LY75: variants seen among roughly 807,000 people sequenced by gnomAD.
LY75 encodes the protein C-type lectin domain family 13 member B.
In LY75, 185 loss-of-function variants were observed where a neutral mutation model predicts 231.7. That is an observed-to-expected ratio of 0.80 (90% CI 0.71 to 0.90). The LOEUF (loss-of-function observed/expected upper bound fraction) is 0.90. Ranked by LOEUF, LY75 falls within the 40% of genes least tolerant of loss-of-function variation. The probability of loss-of-function intolerance (pLI) is 0.00; values close to 1 mark genes in which losing one functional copy is unlikely to be tolerated. For synonymous variants in LY75, 668 were observed against 689.0 expected (o/e 0.97, Z 0.48); for missense variants, 1,947 against 2,050.2 (o/e 0.95, Z 0.97).
At chr2:159,846,517 C>G (rs966767127) in intron 23 of LY75, among the ~76,000 whole-genome samples, 4 of 151,536 alleles carry the variant, frequency 2.6e-5, no homozygotes, top group Non-Finnish European at 5.9e-5. Flanking sequence ...GACCCTGTGT[C>G]AGAAAAAACA....
chr2:159,805,254 G>C (rs1169588459), intron 34 of LY75, 32 bp from the exon 35 acceptor site: 1 of 1,559,610 alleles, frequency 6.4e-7, no homozygotes, highest in South Asian at 1.1e-5. Flanking sequence ...TGTTGGAGGA[G>C]AGAATACAAA....
chr2:159,882,356 T>C, intron 6 of LY75, 41 bp from the exon 7 acceptor site: 1 of 1,585,398 alleles, frequency 6.3e-7, no homozygotes, highest in South Asian at 1.2e-5. Flanking sequence ...TAAAGATACA[T>C]CTATTGTGAA....
intron 8 of LY75, 50 bp from the exon 9 acceptor site, chr2:159,879,419 A>C (rs760963330): frequency 6.2e-7 from 1 of 1,608,208 alleles, no homozygotes; most frequent in African/African-American, 1.3e-5. Flanking sequence ...TATTTACCGC[A>C]TATTCAGAAC....
chr2:159,892,285 A>G (rs1167582662), intron 3 of LY75, among the ~76,000 whole-genome samples: 1 of 152,208 alleles, frequency 6.6e-6, no homozygotes, highest in Admixed American at 6.5e-5. Context: ...AGGGATCAGC[A>G]TTACTAATAC....
intron 28 of LY75, among the ~76,000 whole-genome samples, chr2:159,821,637 AG>A (rs766976079): frequency 0.037 from 615 of 16,770 alleles, 16 homozygotes; most frequent in East Asian, 0.29. Flanking sequence ...AAAAAAGAAA[AG>A]AAAAGAAAGA....
chr2:159,890,636 T>A (rs1244954038), intron 3 of LY75, among the ~76,000 whole-genome samples: 4 of 152,192 alleles, frequency 2.6e-5, no homozygotes, highest in Non-Finnish European at 4.4e-5. Context: ...ATGCTGTGTT[T>A]TCGCCCATGT....
chr2:159,843,290 A>G (rs1276953490), intron 23 of LY75, among the ~76,000 whole-genome samples: 4 of 152,158 alleles, frequency 2.6e-5, no homozygotes, highest in Non-Finnish European at 4.4e-5. Flanking sequence ...AAAAATGTAA[A>G]TAATGCAAAC....
At chr2:159,873,641 G>A (rs1276688180) in intron 12 of LY75, among the ~76,000 whole-genome samples, 1 of 151,756 alleles carries the variant, frequency 6.6e-6, no homozygotes, top group African/African-American at 2.4e-5. Flanking sequence ...ACCGAATTTT[G>A]GGATGGCATC....
rs921167335 is a variant in LY75 at position 159,815,441 on chromosome 2, C to T, written c.4513G>A (p.Val1505Ile). The T allele has an allele frequency of 7.4e-6, 12 of 1,612,550 alleles. No homozygotes were observed. In the East Asian group the frequency reaches 2.2e-4, roughly 30 times the overall value. ...TTATAACAAATAGCACCATCCTTAA[C>T]AGAGTTGCATTTTTCATGTTTCCAA... ...GTWKHEKCNS[V>I]KDGAICYKPT... The change falls in exon 31 of 35, where the codon GTT becomes ATT. Residue 1505 changes from valine (V) to isoleucine (I), a missense_variant. Transcript: ENST00000263636.
intron 3 of LY75, 149 bp from the exon 4 acceptor site, chr2:159,890,526 T>C (rs1685719110): frequency 8.8e-7 from 1 of 1,134,142 alleles, no homozygotes; most frequent in Non-Finnish European, 1.2e-6. Context: ...CATATTTTGA[T>C]CACAATAAAA....
chr2:159,852,347 A>C lies in LY75; in HGVS notation c.2744-7T>G, dbSNP rs1400170315. 2 of 1,611,304 alleles carry C rather than the reference A, an allele frequency of 1.2e-6. No individual in the cohort carries two copies. Among genetic ancestry groups the C allele is most frequent in the Non-Finnish European group, 8.5e-7 (1 of 1,178,626 alleles). ...TCTGTTGGTTTACCTAAGTCTGAGAAATGAAAAGCCAGGATTACTATGGTG... is the reference window on the plus strand; with the variant it reads ...TCTGTTGGTTTACCTAAGTCTGAGACATGAAAAGCCAGGATTACTATGGTG... On this transcript the variant is annotated splice_polypyrimidine_tract_variant and splice_region_variant and intron_variant, in intron 20 of 34. Coordinates refer to ENST00000263636, the MANE Select transcript of LY75 (RefSeq NM_002349.4).
At chr2:159,831,219 C>T (rs150456283) in intron 28 of LY75, among the ~76,000 whole-genome samples, 162 of 152,230 alleles carry the variant, frequency 1.1e-3, no homozygotes, top group African/African-American at 3.6e-3. Context: ...TGAGTGAGTT[C>T]TAATGAGTTC....
At chr2:159,884,094 C>G (rs781713468) in intron 6 of LY75, among the ~76,000 whole-genome samples, 1 of 152,130 alleles carries the variant, frequency 6.6e-6, no homozygotes, top group Non-Finnish European at 1.5e-5. Context: ...TGAGATCTGG[C>G]GGTTTTATAA....
At position 159,840,788 on chromosome 2, in the gene LY75, GGAAT is replaced by G; in HGVS notation, c.3444_3447del (p.Phe1149SerfsTer49). ...TTGTGAAGGAGCGCCTGCACACTGAGGAATGCCTGCTGGTAAGGGTCCGTGATGC... is the reference window on the plus strand; with the variant it reads ...TTGTGAAGGAGCGCCTGCACACTGAGGCCTGCTGGTAAGGGTCCGTGATGC... On this transcript the variant is annotated frameshift_variant, in exon 25 of 35. Transcript: ENST00000263636. LOFTEE classifies it high-confidence loss of function. 1.2e-6 allele frequency: 2 copies of G among 1,614,100 alleles called. No homozygotes were observed. Among genetic ancestry groups the G allele is most frequent in the Non-Finnish European group, 1.7e-6 (2 of 1,179,988 alleles).
At position 159,819,828 on chromosome 2, in the gene LY75, C is replaced by T; in HGVS notation, c.4051G>A (p.Gly1351Ser). 1 of 1,613,982 alleles carries T rather than the reference C, an allele frequency of 6.2e-7. No homozygotes were observed. Among genetic ancestry groups the T allele is most frequent in the Non-Finnish European group, 8.5e-7 (1 of 1,179,986 alleles). The change falls in exon 29 of 35, where the codon GGT becomes AGT. Residue 1351 changes from glycine (G) to serine (S), a missense_variant. Physicochemically the swap from Gly to Ser is moderately conservative, Grantham distance 56 (BLOSUM62 0). Coordinates refer to ENST00000263636, the MANE Select transcript of LY75 (RefSeq NM_002349.4). Reference protein sequence around the residue: ...PTIKNEKFLAGLSTDGFWDIQ... With the variant: ...PTIKNEKFLASLSTDGFWDIQ... ...TCCCAGAAGCCGTCAGTACTTAAACCAGCCAAAAACTTCTCATTTTTTATA... is the reference window on the plus strand; with the variant it reads ...TCCCAGAAGCCGTCAGTACTTAAACTAGCCAAAAACTTCTCATTTTTTATA...
rs1683230514 is a variant in LY75 at position 159,819,817 on chromosome 2, A to C, written c.4062T>G (p.Thr1354=). The C allele has an allele frequency of 1.2e-6, 2 of 1,614,048 alleles. No homozygotes were observed. Among genetic ancestry groups the C allele is most frequent in the Non-Finnish European group, 1.7e-6 (2 of 1,180,016 alleles). Residue 1354 remains threonine (T), a synonymous_variant, in exon 29 of 35, where the codon ACT becomes ACG. Transcript: ENST00000263636. ...AGGTTTGAATATCCCAGAAGCCGTCAGTACTTAAACCAGCCAAAAACTTCT... is the reference window on the plus strand; with the variant it reads ...AGGTTTGAATATCCCAGAAGCCGTCCGTACTTAAACCAGCCAAAAACTTCT... ...KNEKFLAGLS[T]DGFWDIQTFK... is the part of the protein sequence containing the mutation.
chr2:159,892,944 A>G (rs1316120496), intron 3 of LY75, among the ~76,000 whole-genome samples: 19 of 152,236 alleles, frequency 1.2e-4, no homozygotes, highest in Non-Finnish European at 1.0e-4. Flanking sequence ...TCAGGCCATA[A>G]ACATACTTAA....
rs114997209 is a variant in LY75 at position 159,875,456 on chromosome 2, A to G, written c.1962T>C (p.Leu654=). 1.9e-6 allele frequency: 3 copies of G among 1,612,988 alleles called. No homozygotes were observed. Among genetic ancestry groups the G allele is most frequent in the East Asian group, 4.5e-5 (2 of 44,864 alleles). Residue 654 remains leucine (L), a synonymous_variant, in exon 12 of 35, where the codon CTT becomes CTC. Coordinates refer to ENST00000263636, the MANE Select transcript of LY75 (RefSeq NM_002349.4). ...AATGTCACTTTACCTTATAACAAGA[A>G]AGACTTGCGGGGAAACTCTGCCAGC... ...PEGWQSFPAS[L]SCYKVFHAER... is the part of the protein sequence containing the mutation.
intron 13 of LY75, among the ~76,000 whole-genome samples, chr2:159,866,221 A>T (rs923927450): frequency 1.3e-5 from 2 of 152,208 alleles, no homozygotes; most frequent in African/African-American, 4.8e-5. Context: ...GAGAAATATA[A>T]GTGCATTTTA....
Sources: allele counts gnomAD v4.1 joint callset (sites outside exome capture counted in the v4.1 genomes callset), GRCh38; gene constraint gnomAD v4.1.1; transcripts MANE v1.5; gene names NCBI Gene and HGNC (gene_info 2026-07-23, HGNC 2026-07-21).